SMCO4: variants seen among roughly 807,000 people sequenced by gnomAD.
SMCO4 encodes the protein single-pass membrane and coiled-coil domain-containing protein 4.
SMCO4 carries 4 observed loss-of-function variants against 3.6 expected under a neutral mutation model. That is an observed-to-expected ratio of 1.11 (90% CI 0.54 to 2.53). SMCO4 has a LOEUF of 2.53. SMCO4 is among the 30% of genes most tolerant of loss of function. SMCO4 has a pLI of 0.02. For synonymous variants in SMCO4, 36 were observed against 35.3 expected (o/e 1.02, Z -0.07); for missense variants, 70 against 80.8 (o/e 0.87, Z 0.51).
At chr11:93,512,447 C>T (rs1948966204) in intron 1 of SMCO4, among the ~76,000 whole-genome samples, 1 of 152,230 alleles carries the variant, frequency 6.6e-6, no homozygotes, top group Non-Finnish European at 1.5e-5. Context: ...ACTCACCACT[C>T]AGCCACTGAC....
intron 1 of SMCO4, among the ~76,000 whole-genome samples, chr11:93,509,897 C>T (rs1948942683): frequency 6.6e-6 from 1 of 151,960 alleles, no homozygotes; most frequent in South Asian, 2.1e-4. Context: ...GATCAGTGCA[C>T]CAAAATCTCA....
At chr11:93,503,039 A>G (rs541520340) in intron 1 of SMCO4, among the ~76,000 whole-genome samples, 2 of 152,312 alleles carry the variant, frequency 1.3e-5, no homozygotes, top group East Asian at 1.9e-4. Context: ...CACTTGCTCA[A>G]GATTAGATCC....
intron 1 of SMCO4, among the ~76,000 whole-genome samples, chr11:93,510,286 C>G (rs1948945553): frequency 6.6e-6 from 1 of 152,206 alleles, no homozygotes; most frequent in African/African-American, 2.4e-5. Context: ...GCTCTCCAAG[C>G]TCAAATGTCA....
chr11:93,492,000 A>G (rs1432804020), intron 2 of SMCO4, among the ~76,000 whole-genome samples: 2 of 152,252 alleles, frequency 1.3e-5, no homozygotes, highest in African/African-American at 4.8e-5. Context: ...GCTAAATTAC[A>G]GTAAGTTAAT....
intron 2 of SMCO4, among the ~76,000 whole-genome samples, chr11:93,493,836 A>G (rs2658764): frequency 0.98 from 149,477 of 152,246 alleles, 73,439 homozygotes; most frequent in East Asian, 1. Context: ...CTTACTTGCT[A>G]GATGATACAA....
In SMCO4 at chr11:93,526,453, G is replaced by A. The variant is rs575196453; in HGVS notation, c.-154+16823C>T. Among the ~76,000 whole-genome samples the A allele has an allele frequency of 1.0e-3, 154 of 152,190 alleles. 1 individual carries two copies. Among genetic ancestry groups the A allele is most frequent in the African/African-American group, 3.6e-3 (150 of 41,508 alleles). On this transcript the variant is annotated intron_variant, in intron 1 of 2. Coordinates refer to ENST00000298966, the MANE Select transcript of SMCO4 (RefSeq NM_020179.3). ...AGAGTGAATCCAAGGAATTTGGCAG[G>A]GACAAATTCCAGTGAAATCCTAGAG...
chr11:93,520,645 T>C (rs1483563999), intron 1 of SMCO4, among the ~76,000 whole-genome samples: 1 of 152,230 alleles, frequency 6.6e-6, no homozygotes, highest in African/African-American at 2.4e-5. Context: ...TTTTCACATA[T>C]ACTACCTTTT....
chr11:93,526,199 A>AG (rs1214133321), intron 1 of SMCO4, among the ~76,000 whole-genome samples: 2 of 152,058 alleles, frequency 1.3e-5, no homozygotes, highest in African/African-American at 4.8e-5. Flanking sequence ...GCACCACCCA[A>AG]GGGGGACCCC....
chr11:93,534,398 A>AGAGAT (rs1157579206), intron 1 of SMCO4, among the ~76,000 whole-genome samples: 1 of 145,950 alleles, frequency 6.9e-6, no homozygotes, highest in Non-Finnish European at 1.5e-5. Flanking sequence ...AGAGAGAGAT[A>AGAGAT]CATATATATA....
chr11:93,488,850 G>A (rs897838296), intron 2 of SMCO4, among the ~76,000 whole-genome samples: 2 of 152,154 alleles, frequency 1.3e-5, no homozygotes, highest in Non-Finnish European at 2.9e-5. Context: ...AGACCTTGGG[G>A]GAGTTGAAGA....
In SMCO4 at chr11:93,530,742, C is replaced by T. The variant is rs547758448; in HGVS notation, c.-154+12534G>A. Reference sequence around the variant, plus strand: ...CTCTGCCTGTGCTGTCCCCTTCACACAGAATCCTCTTCCTCCACACAGCAG... The same window carrying T: ...CTCTGCCTGTGCTGTCCCCTTCACATAGAATCCTCTTCCTCCACACAGCAG... On this transcript the variant is annotated intron_variant, in intron 1 of 2. Transcript: ENST00000298966. 2.0e-5 allele frequency among the ~76,000 whole-genome samples: 3 copies of T among 152,326 alleles called. No homozygotes were observed. The South Asian group carries it at 6.2e-4, about 32-fold the overall frequency.
At chr11:93,530,934 T>C (rs746914891) in intron 1 of SMCO4, among the ~76,000 whole-genome samples, 3 of 152,224 alleles carry the variant, frequency 2.0e-5, no homozygotes, top group Non-Finnish European at 4.4e-5. Flanking sequence ...AAAAAACTCA[T>C]GTCCACCTGG....
At chr11:93,496,444 G>A (rs1359430231) in intron 2 of SMCO4, among the ~76,000 whole-genome samples, 1 of 152,176 alleles carries the variant, frequency 6.6e-6, no homozygotes, top group East Asian at 1.9e-4. Context: ...AAGGGACTAT[G>A]GTAGAAGTAG....
intron 1 of SMCO4, among the ~76,000 whole-genome samples, 167 bp from the exon 2 acceptor site, chr11:93,499,515 A>G (rs1337118549): frequency 6.6e-6 from 1 of 152,216 alleles, no homozygotes; most frequent in African/African-American, 2.4e-5. Context: ...CCAGAAGGGC[A>G]GACAGACAGA....
intron 1 of SMCO4, among the ~76,000 whole-genome samples, chr11:93,505,856 A>AATGATGATGATG (rs61060663): frequency 1.3e-5 from 2 of 149,644 alleles, no homozygotes; most frequent in East Asian, 2.0e-4. Flanking sequence ...AAGCCCTTGC[A>AATGATGATGATG]ATGATGATGA....
At chr11:93,495,733 T>C (rs1459885968) in intron 2 of SMCO4, among the ~76,000 whole-genome samples, 1 of 152,152 alleles carries the variant, frequency 6.6e-6, no homozygotes. Context: ...TGATTACTTA[T>C]TGGCTATTAA....
rs1949210853 is a variant in SMCO4, at chr11:93,535,404, A to G, written c.-154+7872T>C. 3 of 935,282 alleles carry G rather than the reference A, an allele frequency of 3.2e-6. No individual in the cohort carries two copies. The Admixed American group carries it at 7.2e-5, about 22-fold the overall frequency. 57.9% of individuals were successfully genotyped at this position (935,282 alleles called of 1,614,324 possible). On this transcript the variant is annotated intron_variant, in intron 1 of 2. Coordinates refer to ENST00000298966, the MANE Select transcript of SMCO4 (RefSeq NM_020179.3). ...TACGATCTCAGCAATAAGAATCAAG[A>G]AGCCAAATAACCAGTTCTCACTGCT...
At chr11:93,540,326 C>T (rs979665015) in intron 1 of SMCO4, among the ~76,000 whole-genome samples, 4 of 152,168 alleles carry the variant, frequency 2.6e-5, no homozygotes, top group Non-Finnish European at 2.9e-5. Flanking sequence ...ATAAGACAGA[C>T]AGTATTATCC....
chr11:93,495,576 T>G (rs1020353958), intron 2 of SMCO4, among the ~76,000 whole-genome samples: 7 of 152,218 alleles, frequency 4.6e-5, no homozygotes, highest in African/African-American at 1.7e-4. Context: ...TATAATAGAA[T>G]GCCAGTCTTT....
Sources: gnomAD v4.1 joint callset for allele counts (sites outside exome capture counted in the v4.1 genomes callset) on GRCh38, gnomAD v4.1.1 for gene constraint, MANE v1.5 for transcripts, NCBI Gene and HGNC (gene_info 2026-07-23, HGNC 2026-07-21) for gene names.